SEPTIN8: variants seen among roughly 807,000 people sequenced by gnomAD.
The protein encoded by SEPTIN8 is septin 8.
A neutral mutation model predicts 53.1 loss-of-function variants in SEPTIN8; 22 were observed. The observed-to-expected ratio is 0.41, with a 90% confidence interval of 0.30 to 0.59. The LOEUF (loss-of-function observed/expected upper bound fraction) is 0.59. SEPTIN8 is among the 20% of genes least tolerant of loss of function. The pLI, the probability that SEPTIN8 is intolerant of heterozygous loss-of-function variation, is 0.24. For synonymous variants in SEPTIN8, 228 were observed against 248.4 expected (o/e 0.92, Z 0.77); for missense variants, 536 against 638.7 (o/e 0.84, Z 1.73).
intron 1 of SEPTIN8, among the ~76,000 whole-genome samples, chr5:132,771,455 T>C (rs906572694): frequency 6.6e-6 from 1 of 152,142 alleles, no homozygotes; most frequent in African/African-American, 2.4e-5. Context: ...CTCCAGTGCC[T>C]TGGACTTTGG....
intron 1 of SEPTIN8, among the ~76,000 whole-genome samples, chr5:132,770,105 A>G (rs1242571745): frequency 7.9e-5 from 2 of 25,158 alleles, no homozygotes; most frequent in Non-Finnish European, 1.2e-4. Flanking sequence ...ATATATGTAT[A>G]TATGTATATA....
rs373043325 is a variant in SEPTIN8, at chr5:132,761,470, C to T, written c.950G>A (p.Ser317Asn). The T allele has an allele frequency of 7.3e-5, 117 of 1,611,290 alleles. No homozygotes were observed. The highest frequency in any genetic ancestry group is 9.8e-5 in the Non-Finnish European group (115 of 1,179,390). Residue 317 changes from serine (S) to asparagine (N), a missense_variant, in exon 7 of 10, where the codon AGC becomes AAC. Transcript: ENST00000378719. The surrounding 1 kb of genome is among the most constrained non-coding windows in gnomAD (Gnocchi z 5.8). ...EMGFQDSDGDSQPFSLQETYE... is the reference protein window; with the variant it reads ...EMGFQDSDGDNQPFSLQETYE... The stretch of plus-strand genomic sequence containing the variant: ...CTCAGGCTGTCACCTGAAGGGCTGG[C>T]TGTCACCATCGCTGTCCTGAAAGCC...
chr5:132,767,943 C>CCACCCACACACACACA (rs1554114976), intron 1 of SEPTIN8, among the ~76,000 whole-genome samples: 2 of 127,908 alleles, frequency 1.6e-5, no homozygotes, highest in African/African-American at 5.8e-5. Flanking sequence ...TGTCTGGAAA[C>CCACCCACACACACACA]CACACACACA....
chr5:132,750,868 A>G lies in SEPTIN8; in HGVS notation c.*1148T>C. 6.2e-7 allele frequency: 1 copy of G among 1,613,700 alleles called. No homozygotes were observed. Among genetic ancestry groups the G allele is most frequent in the Non-Finnish European group, 8.5e-7 (1 of 1,179,924 alleles). On this transcript the variant is annotated 3_prime_UTR_variant, in exon 10 of 10. Coordinates refer to ENST00000378719, the MANE Select transcript of SEPTIN8 (RefSeq NM_001098811.2). Reference sequence around the variant, plus strand: ...TTTTCTTTTTACAGTTTATTCCACAAGTAAAAGACTTCACAAAGCACTATG... The same window carrying G: ...TTTTCTTTTTACAGTTTATTCCACAGGTAAAAGACTTCACAAAGCACTATG...
chr5:132,772,434 G>A (rs1757412181), intron 1 of SEPTIN8, among the ~76,000 whole-genome samples: 1 of 152,146 alleles, frequency 6.6e-6, no homozygotes, highest in Non-Finnish European at 1.5e-5. Context: ...TGGGGAAGGT[G>A]CTCTGGGCTG....
At chr5:132,752,850 C>T in intron 9 of SEPTIN8, 2 of 1,604,314 alleles carry the variant, frequency 1.2e-6, no homozygotes, top group Non-Finnish European at 1.7e-6. Context: ...AAGATGGCCA[C>T]TCTATTCTAA....
At chr5:132,754,172 A>G (rs1388558666) in intron 9 of SEPTIN8, 1 of 483,884 alleles carries the variant, frequency 2.1e-6, no homozygotes, top group Non-Finnish European at 3.7e-6. Context: ...CCGATCCTGT[A>G]TGAGTCTTAT....
chr5:132,753,229 C>T (rs1232816898), intron 9 of SEPTIN8: 3 of 471,260 alleles, frequency 6.4e-6, no homozygotes, highest in Non-Finnish European at 1.2e-5. Context: ...GGCCTGAAGC[C>T]AGGGAGTATG....
chr5:132,762,624 C>T lies in SEPTIN8; in HGVS notation c.556G>A (p.Ala186Thr), dbSNP rs372810925. ...CTCTTGGAGATGGTGTCAGCCTTGGCGATGATGGGAATAATGTTCACCTGC... is the reference window on the plus strand; with the variant it reads ...CTCTTGGAGATGGTGTCAGCCTTGGTGATGATGGGAATAATGTTCACCTGC... The part of the protein sequence containing the change: ...DSKVNIIPII[A>T]KADTISKSEL... The change falls in exon 5 of 10, where the codon GCC becomes ACC. Residue 186 changes from alanine (A) to threonine (T), a missense_variant. Ala to Thr is a moderately conservative substitution (Grantham distance 58). Transcript: ENST00000378719. The T allele has an allele frequency of 1.7e-5, 28 of 1,614,054 alleles. No homozygotes were observed. The highest frequency in any genetic ancestry group is 3.3e-5 in the South Asian group (3 of 91,084).
Position 132,776,564 on chromosome 5 carries a change from G to T in SEPTIN8, c.30+544C>A, listed in dbSNP as rs1757814798. On this transcript the variant is annotated intron_variant, in intron 1 of 9. Transcript: ENST00000378719. The surrounding 1 kb of genome is among the most constrained non-coding windows in gnomAD (Gnocchi z 4.4). Reference sequence around the variant, plus strand: ...CGCACCCAGGATTCCGGCGTGGGGAGCGGGGCAGAGGGGAGCGGGGGAGGA... The same window carrying T: ...CGCACCCAGGATTCCGGCGTGGGGATCGGGGCAGAGGGGAGCGGGGGAGGA... Among the ~76,000 whole-genome samples the T allele has an allele frequency of 6.7e-6, 1 of 150,282 alleles. No individual in the cohort carries two copies. The highest frequency in any genetic ancestry group is 2.1e-4 in the South Asian group (1 of 4,768).
Position 132,751,693 on chromosome 5 carries a change from G to A in SEPTIN8, c.*323C>T, listed in dbSNP as rs1754854004. The A allele has an allele frequency of 7.4e-6, 4 of 537,456 alleles. No homozygotes were observed. The highest frequency in any genetic ancestry group is 1.3e-5 in the Non-Finnish European group (4 of 306,092). The allele number at this position is 537,456 out of a possible 1,614,324, so 33.3% of individuals were successfully genotyped here. A position where few individuals can be genotyped will look rare whatever the true frequency, so the allele number is the denominator to read the frequency against. On this transcript the variant is annotated 3_prime_UTR_variant, in exon 10 of 10. Coordinates refer to ENST00000378719, the MANE Select transcript of SEPTIN8 (RefSeq NM_001098811.2). ...TTGAATAGTATGTTTCTATTTTTCA[G>A]AATGGAAACATTGTCATCTAGGTAC...
At position 132,761,678 on chromosome 5, in the gene SEPTIN8, T is replaced by A. The variant is rs1196739594; in HGVS notation, c.794-52A>T. 6.2e-7 allele frequency: 1 copy of A among 1,603,494 alleles called. No individual in the cohort carries two copies. The highest frequency in any genetic ancestry group is 2.2e-5 in the East Asian group (1 of 44,798). On this transcript the variant is annotated intron_variant, in intron 6 of 9. Coordinates refer to ENST00000378719, the MANE Select transcript of SEPTIN8 (RefSeq NM_001098811.2). This position sits in a 1 kb window ranked among gnomAD's most constrained non-coding sequence, Gnocchi z 5.8. Reference sequence around the variant, plus strand: ...CAGGCAGGCATGCAGGCGGGCACACTCCAGAGTCAGGGTAGGCACGCAGGT... The same window carrying A: ...CAGGCAGGCATGCAGGCGGGCACACACCAGAGTCAGGGTAGGCACGCAGGT...
At chr5:132,752,237 C>T (rs1421487716) in intron 9 of SEPTIN8, 56 bp from the exon 10 acceptor site, 3 of 1,530,794 alleles carry the variant, frequency 2.0e-6, no homozygotes. Context: ...CTGTGTTTTG[C>T]CCCTTTAGCT....
intron 9 of SEPTIN8, chr5:132,753,488 TG>T (rs1267874066): frequency 6.3e-6 from 1 of 158,118 alleles, no homozygotes; most frequent in East Asian, 1.8e-4. Flanking sequence ...ACTCCTCACA[TG>T]GGACAGTCTC....
At chr5:132,763,668 A>G in intron 4 of SEPTIN8, 38 bp downstream of exon 4, 2 of 1,586,154 alleles carry the variant, frequency 1.3e-6, no homozygotes, top group Non-Finnish European at 8.6e-7. Flanking sequence ...GCAGCAGAAG[A>G]CTATGGAGCC....
Position 132,758,929 on chromosome 5 carries a change from G to A in SEPTIN8, c.1286+1873C>T, listed in dbSNP as rs1045338964. On this transcript the variant is annotated intron_variant, in intron 9 of 9. Coordinates refer to ENST00000378719, the MANE Select transcript of SEPTIN8 (RefSeq NM_001098811.2). ...GACAGCAAGATGGACACCGTGAAAG[G>A]GCAGTCAGTTTGGCATTTGTGACGA... The A allele has an allele frequency of 7.6e-6, 8 of 1,058,086 alleles. No individual in the cohort carries two copies. In the African/African-American group the frequency reaches 1.3e-4, roughly 17 times the overall value. The allele number at this position is 1,058,086 out of a possible 1,614,324, so 65.5% of individuals were successfully genotyped here.
rs1475367588 is a variant in SEPTIN8, at chr5:132,751,086, C to T, written c.*930G>A. The T allele has an allele frequency of 4.7e-5, 69 of 1,472,046 alleles. No individual in the cohort carries two copies. Among genetic ancestry groups the T allele is most frequent in the African/African-American group, 1.1e-4 (8 of 72,042 alleles). 91.2% of individuals were successfully genotyped at this position (1,472,046 alleles called of 1,614,324 possible). A position where few individuals can be genotyped will look rare whatever the true frequency, so the allele number is the denominator to read the frequency against. On this transcript the variant is annotated 3_prime_UTR_variant, in exon 10 of 10. Coordinates refer to ENST00000378719, the MANE Select transcript of SEPTIN8 (RefSeq NM_001098811.2). ...ACAACATGGGATGGCAAAGCACAGG[C>T]GTGCACACGCCCTTGCACATGCACC...
chr5:132,756,729 C>T (rs1237115974), intron 9 of SEPTIN8: 2 of 985,322 alleles, frequency 2.0e-6, no homozygotes, highest in Admixed American at 1.2e-4. Context: ...TCCTGAAGAT[C>T]CTGGGAAGGC....
intron 1 of SEPTIN8, among the ~76,000 whole-genome samples, chr5:132,774,500 C>G (rs1757611637): frequency 6.6e-6 from 1 of 152,284 alleles, no homozygotes; most frequent in East Asian, 1.9e-4. Flanking sequence ...GGCAACACAC[C>G]CTCCTCAGAG....
Sources: allele counts gnomAD v4.1 joint callset (sites outside exome capture counted in the v4.1 genomes callset), GRCh38; gene constraint gnomAD v4.1.1; non-coding constraint Gnocchi (gnomAD v3.1); transcripts MANE v1.5; gene names NCBI Gene and HGNC (gene_info 2026-07-23, HGNC 2026-07-21).